Variants in USP53 observed in about 807,000 individuals in gnomAD.
The protein encoded by USP53 is ubiquitin carboxyl-terminal hydrolase 53.
Under a neutral mutation model 94.9 loss-of-function variants are expected in USP53, and 71 were observed. That is an observed-to-expected ratio of 0.75 (90% CI 0.62 to 0.91). The LOEUF (loss-of-function observed/expected upper bound fraction) is 0.91. USP53 is among the 40% of genes least tolerant of loss of function. USP53 has a pLI of 0.00. For synonymous variants in USP53, 375 were observed against 422.7 expected (o/e 0.89, Z 1.39); for missense variants, 1,173 against 1,281.0 (o/e 0.92, Z 1.29).
At chr4:119,289,955 ATTAAT>A (rs547864704) in intron 17 of USP53, among the ~76,000 whole-genome samples, 9 of 152,336 alleles carry the variant, frequency 5.9e-5, no homozygotes, top group African/African-American at 2.2e-4. Flanking sequence ...TAGTCTGGAC[ATTAAT>A]TTAATTTAAT....
At chr4:119,266,182 ATGT>A in intron 12 of USP53, 1 of 437,332 alleles carries the variant, frequency 2.3e-6, no homozygotes, top group Non-Finnish European at 4.6e-6. Context: ...AGATTCATTC[ATGT>A]TGTTTGGATT....
intron 18 of USP53, among the ~76,000 whole-genome samples, chr4:119,292,091 A>C (rs1479729239): frequency 6.6e-6 from 1 of 152,140 alleles, no homozygotes; most frequent in Admixed American, 6.6e-5. Context: ...TAATTATTAG[A>C]AATGGGATTC....
chr4:119,263,405 C>G (rs574372948), intron 12 of USP53, among the ~76,000 whole-genome samples: 1 of 152,110 alleles, frequency 6.6e-6, no homozygotes, highest in African/African-American at 2.4e-5. Flanking sequence ...AACTGGAGTT[C>G]AGGGAGGCCT....
At chr4:119,218,792 A>G (rs1280470632) in intron 3 of USP53, 1 of 152,062 alleles carries the variant, frequency 6.6e-6, no homozygotes, top group East Asian at 1.9e-4. Flanking sequence ...TTTTTGTATT[A>G]CTTCAACTTG....
intron 3 of USP53, among the ~76,000 whole-genome samples, chr4:119,223,289 T>G (rs1183941255): frequency 6.6e-6 from 1 of 152,156 alleles, no homozygotes; most frequent in African/African-American, 2.4e-5. Flanking sequence ...TATATGTCAT[T>G]ATTTTGTAAA....
chr4:119,251,569 GTTTCTTGAC>G (rs1306312384), intron 7 of USP53, among the ~76,000 whole-genome samples: 1 of 152,142 alleles, frequency 6.6e-6, no homozygotes. Context: ...AGCATCTGTT[GTTTCTTGAC>G]TTTTTAATGA....
chr4:119,270,358 A>G (rs750555667), intron 15 of USP53, among the ~76,000 whole-genome samples: 30 of 152,038 alleles, frequency 2.0e-4, no homozygotes, highest in Non-Finnish European at 4.0e-4. Context: ...TCAGCCTCCC[A>G]AAGTGCTGGG....
At chr4:119,289,282 G>A (rs1754471559) in intron 17 of USP53, among the ~76,000 whole-genome samples, 1 of 152,144 alleles carries the variant, frequency 6.6e-6, no homozygotes, top group Non-Finnish European at 1.5e-5. Flanking sequence ...AAAAACACAA[G>A]TATATGGCAA....
chr4:119,286,277 A>G (rs1754103546), intron 17 of USP53, among the ~76,000 whole-genome samples: 1 of 151,560 alleles, frequency 6.6e-6, no homozygotes, highest in South Asian at 2.1e-4. Flanking sequence ...GATGAAATAT[A>G]TATTTTGATT....
chr4:119,256,377 T>A lies in USP53; in HGVS notation c.486+18T>A. The A allele has an allele frequency of 6.2e-7, 1 of 1,613,332 alleles. No individual in the cohort carries two copies. Among genetic ancestry groups the A allele is most frequent in the South Asian group, 1.1e-5 (1 of 91,068 alleles). On this transcript the variant is annotated intron_variant, in intron 8 of 18. Coordinates refer to ENST00000692078, the MANE Select transcript of USP53 (RefSeq NM_001371395.1). ...ATGAACAGGTGAGATGGCTTGATTA[T>A]TATTTAGATATTGTAGTTCTGTTTT...
chr4:119,224,073 C>T (rs1423414095), intron 3 of USP53, among the ~76,000 whole-genome samples: 1 of 152,126 alleles, frequency 6.6e-6, no homozygotes, highest in African/African-American at 2.4e-5. Flanking sequence ...TATCTTGGCT[C>T]ACTGCAACCA....
At chr4:119,241,448 G>A (rs939322343) in intron 5 of USP53, among the ~76,000 whole-genome samples, 20 of 152,002 alleles carry the variant, frequency 1.3e-4, no homozygotes, top group African/African-American at 4.6e-4. Flanking sequence ...GTCTGAAAAA[G>A]ATCTGTATTT....
At chr4:119,264,469 C>T (rs1750878578) in intron 12 of USP53, among the ~76,000 whole-genome samples, 1 of 152,098 alleles carries the variant, frequency 6.6e-6, no homozygotes, top group Non-Finnish European at 1.5e-5. Context: ...AAGCATTTAT[C>T]TAATAAAGAC....
At position 119,276,714 on chromosome 4, in the gene USP53, G is replaced by A. The variant is rs1752692693; in HGVS notation, c.2251+3006G>A. Among the ~76,000 whole-genome samples the A allele has an allele frequency of 4.2e-5, 5 of 117,850 alleles. No individual in the cohort carries two copies. In the East Asian group the frequency reaches 9.6e-4, roughly 23 times the overall value. The allele number at this position is 117,850 out of a possible 152,430, so 77.3% of individuals were successfully genotyped here. A position where few individuals can be genotyped will look rare whatever the true frequency, so the allele number is the denominator to read the frequency against. ...TGTACCTCTGGTAGAATTCAGCTGTGAATCCATCTGGTCCTGGACTCTTTT... is the reference window on the plus strand; with the variant it reads ...TGTACCTCTGGTAGAATTCAGCTGTAAATCCATCTGGTCCTGGACTCTTTT... On this transcript the variant is annotated intron_variant, in intron 17 of 18. Transcript: ENST00000692078.
intron 11 of USP53, among the ~76,000 whole-genome samples, chr4:119,261,061 G>A (rs1394759738): frequency 7.1e-6 from 1 of 141,484 alleles, no homozygotes; most frequent in Non-Finnish European, 1.5e-5. Flanking sequence ...CCAGGCTCAA[G>A]CAATTTTCAT....
At chr4:119,237,930 C>T (rs867027893) in intron 4 of USP53, among the ~76,000 whole-genome samples, 50 of 152,194 alleles carry the variant, frequency 3.3e-4, no homozygotes, top group African/African-American at 1.2e-3. Flanking sequence ...GCTTCCTCAC[C>T]CTCTTTTTCT....
chr4:119,226,869 T>C (rs934185980), intron 3 of USP53, among the ~76,000 whole-genome samples: 2 of 152,218 alleles, frequency 1.3e-5, no homozygotes, highest in Non-Finnish European at 2.9e-5. Flanking sequence ...TCTCACACTC[T>C]GTCACCCAAG....
chr4:119,260,105 C>A (rs1467618271), intron 10 of USP53, among the ~76,000 whole-genome samples, 180 bp downstream of exon 10: 1 of 152,070 alleles, frequency 6.6e-6, no homozygotes, highest in Non-Finnish European at 1.5e-5. Flanking sequence ...TGTTTAAAAA[C>A]TCCTAAGTTT....
rs1751855070 is a variant in USP53, at chr4:119,271,517, G to C, written c.1657G>C (p.Asp553His). The C allele has an allele frequency of 6.2e-7, 1 of 1,613,394 alleles. No individual in the cohort carries two copies. The highest frequency in any genetic ancestry group is 1.1e-5 in the South Asian group (1 of 90,988). ...GAAAATAACTGGCAAAGTTAAGAGT[G>C]ACAATGGCACTGGATATGACACAGA... is the stretch of plus-strand genomic sequence containing the variant. ...GEKITGKVKS[D>H]NGTGYDTDSS... The change falls in exon 16 of 19, where the codon GAC becomes CAC. Residue 553 changes from aspartate (D) to histidine (H), a missense_variant. Physicochemically the swap from Asp to His is moderately conservative, Grantham distance 81 (BLOSUM62 -1). Transcript: ENST00000692078.
Sources: gnomAD v4.1 joint callset for allele counts (sites outside exome capture counted in the v4.1 genomes callset) on GRCh38, gnomAD v4.1.1 for gene constraint, MANE v1.5 for transcripts, NCBI Gene and HGNC (gene_info 2026-07-23, HGNC 2026-07-21) for gene names.